The following TMEM132B variants were observed in gnomAD, a reference collection of about 807,000 sequenced individuals.
TMEM132B encodes transmembrane protein 132B.
In TMEM132B, 18 loss-of-function variants were observed where a neutral mutation model predicts 90.8. That is an observed-to-expected ratio of 0.20 (90% confidence interval 0.14 to 0.29). The LOEUF is 0.29. Ranked by LOEUF, TMEM132B falls within the 10% of genes least tolerant of loss-of-function variation. TMEM132B has a pLI of 1.00. For synonymous variants in TMEM132B, 504 were observed against 523.3 expected (o/e 0.96, Z 0.50); for missense variants, 1,096 against 1,326.8 (o/e 0.83, Z 2.70).
intron 1 of TMEM132B, among the ~76,000 whole-genome samples, chr12:125,339,086 G>A (rs1281625758): frequency 6.6e-6 from 1 of 152,124 alleles, no homozygotes; most frequent in East Asian, 1.9e-4. Flanking sequence ...TTTGACATGG[G>A]CAACTTGACC....
chr12:125,258,852 G>A (rs1268068441), intron 1 of TMEM132B, among the ~76,000 whole-genome samples: 1 of 152,208 alleles, frequency 6.6e-6, no homozygotes, highest in Non-Finnish European at 1.5e-5. Context: ...ATCAGCAAAG[G>A]CCTCTCTGCA....
chr12:125,506,977 T>C (rs1056328838), intron 3 of TMEM132B, among the ~76,000 whole-genome samples: 2 of 152,260 alleles, frequency 1.3e-5, no homozygotes, highest in Non-Finnish European at 2.9e-5. Context: ...CATTCCAAAC[T>C]TCTGCAGGGC....
chr12:125,310,986 T>C (rs867894843), intron 1 of TMEM132B, among the ~76,000 whole-genome samples: 1 of 152,220 alleles, frequency 6.6e-6, no homozygotes, highest in Non-Finnish European at 1.5e-5. Flanking sequence ...TCCCGGAGCT[T>C]CCCAACTCTT....
chr12:125,538,342 G>A (rs150189173), intron 4 of TMEM132B, among the ~76,000 whole-genome samples: 1,558 of 152,198 alleles, frequency 0.01, 29 homozygotes, highest in African/African-American at 0.036. Flanking sequence ...TCAGGGTTAG[G>A]GTGCAGATAA....
At chr12:125,653,029 A>G (rs954897808) in intron 8 of TMEM132B, among the ~76,000 whole-genome samples, 1 of 152,238 alleles carries the variant, frequency 6.6e-6, no homozygotes, top group African/African-American at 2.4e-5. Flanking sequence ...TACAATAAGT[A>G]TGGTCAACTC....
At chr12:125,599,314 CAT>C (rs753305418) in intron 5 of TMEM132B, among the ~76,000 whole-genome samples, 111 of 152,322 alleles carry the variant, frequency 7.3e-4, no homozygotes, top group Non-Finnish European at 1.0e-3. Context: ...CCTCCCCAGA[CAT>C]GTGGAACTGT....
intron 1 of TMEM132B, among the ~76,000 whole-genome samples, chr12:125,272,907 C>G (rs547967572): frequency 1.3e-5 from 2 of 152,344 alleles, no homozygotes; most frequent in Non-Finnish European, 2.9e-5. Context: ...TTCGCTCAAA[C>G]AGTCAGATGC....
rs374450825 is a variant in TMEM132B, at chr12:125,350,320, T to C, written c.936T>C (p.Ser312=). The part of the protein sequence containing the change: ...ATFLVSLTSS[S]VADQFTLRIK... ...TTTTGGTCTCTCTGACCAGTAGCTC[T>C]GTGGCAGACCAGTTCACTCTTAGGT... The change falls in exon 2 of 9, where the codon TCT becomes TCC. Residue 312 remains serine (S), a synonymous_variant. Coordinates refer to ENST00000682704, the MANE Select transcript of TMEM132B (RefSeq NM_001366854.1). 9.3e-6 allele frequency: 15 copies of C among 1,613,142 alleles called. No individual in the cohort carries two copies. In the African/African-American group the frequency reaches 1.7e-4, roughly 19 times the overall value.
At chr12:125,650,990 G>A (rs745733321) in intron 7 of TMEM132B, 37 bp downstream of exon 7, 2 of 1,606,420 alleles carry the variant, frequency 1.2e-6, no homozygotes, top group Admixed American at 1.7e-5. Context: ...AGCAGTCTGT[G>A]TTGATGAGTG....
intron 1 of TMEM132B, among the ~76,000 whole-genome samples, chr12:125,216,625 C>G (rs1387287563): frequency 1.3e-5 from 2 of 152,180 alleles, no homozygotes; most frequent in African/African-American, 4.8e-5. Context: ...GCCTGATTCT[C>G]TCTGCTCTGT....
rs1887094599 is a variant in TMEM132B, at chr12:125,657,481, TTCC to T, written c.*2777_*2779del. The T allele has an allele frequency of 6.6e-6, 1 of 152,136 alleles. No homozygotes were observed. The highest frequency in any genetic ancestry group is 1.5e-5 in the Non-Finnish European group (1 of 68,034). The allele number at this position is 152,136 out of a possible 1,614,324, so 9.4% of individuals were successfully genotyped here. On this transcript the variant is annotated 3_prime_UTR_variant, in exon 9 of 9. Transcript: ENST00000682704. ...TCATGAAATAATGTCATTAAAGTAT[TTCC>T]TCCTCTAAATATTTCCTGAAGATCA...
chr12:125,491,190 A>C (rs1362375470), intron 3 of TMEM132B, among the ~76,000 whole-genome samples: 1 of 152,044 alleles, frequency 6.6e-6, no homozygotes, highest in Non-Finnish European at 1.5e-5. Context: ...TAATCTCCTA[A>C]ATTTTGGGAT....
At chr12:125,528,995 CTCCT>C (rs1307345111) in intron 4 of TMEM132B, among the ~76,000 whole-genome samples, 2 of 136,630 alleles carry the variant, frequency 1.5e-5, no homozygotes, top group Admixed American at 7.7e-5. Flanking sequence ...CTCCTCCTTT[CTCCT>C]TCCTTCTTCT....
chr12:125,518,003 A>G (rs1592969701), intron 3 of TMEM132B, among the ~76,000 whole-genome samples: 1 of 152,174 alleles, frequency 6.6e-6, no homozygotes, highest in African/African-American at 2.4e-5. Context: ...GCTGGTGGCC[A>G]CAATATTGGG....
chr12:125,227,347 C>T (rs2136079171), intron 1 of TMEM132B, among the ~76,000 whole-genome samples: 1 of 152,280 alleles, frequency 6.6e-6, no homozygotes, highest in East Asian at 1.9e-4. Flanking sequence ...TCATTATCCC[C>T]ATTTTATAGA....
intron 2 of TMEM132B, among the ~76,000 whole-genome samples, chr12:125,365,762 T>A (rs1878113460): frequency 6.6e-6 from 1 of 152,130 alleles, no homozygotes; most frequent in Non-Finnish European, 1.5e-5. Context: ...GTTGTACATA[T>A]TTTTGGGCAG....
intron 1 of TMEM132B, among the ~76,000 whole-genome samples, chr12:125,190,126 A>G (rs949536455): frequency 7.9e-5 from 12 of 152,116 alleles, no homozygotes; most frequent in Non-Finnish European, 1.6e-4. Context: ...ACTTGGGCAC[A>G]GGGACCGCCT....
At chr12:125,338,678 A>G (rs896021038) in intron 1 of TMEM132B, among the ~76,000 whole-genome samples, 2 of 152,172 alleles carry the variant, frequency 1.3e-5, no homozygotes, top group Non-Finnish European at 2.9e-5. Context: ...CAGCACATGT[A>G]GAATGTTCTG....
At chr12:125,525,218 T>G (rs991538400) in intron 4 of TMEM132B, among the ~76,000 whole-genome samples, 1 of 152,198 alleles carries the variant, frequency 6.6e-6, no homozygotes, top group Non-Finnish European at 1.5e-5. Context: ...TTTGGATCAT[T>G]TATTACGGAT....
Sources: gnomAD v4.1 joint callset for allele counts (sites outside exome capture counted in the v4.1 genomes callset) on GRCh38, gnomAD v4.1.1 for gene constraint, MANE v1.5 for transcripts, NCBI Gene and HGNC (gene_info 2026-07-23, HGNC 2026-07-21) for gene names.